MIPOL1: variants seen among roughly 807,000 people sequenced by gnomAD.
MIPOL1 encodes mirror-image polydactyly gene 1 protein.
MIPOL1 carries 57 observed loss-of-function variants against 60.9 expected under a neutral mutation model. The ratio of observed to expected loss-of-function variants is 0.94; its 90% confidence interval spans 0.76 to 1.17. The LOEUF is 1.17. MIPOL1 is among the 50% of genes most tolerant of loss of function. The pLI is 0.00. For synonymous variants in MIPOL1, 179 were observed against 168.8 expected, an observed-to-expected ratio of 1.06 and a Z score of -0.47; for missense variants, 551 against 511.6, an observed-to-expected ratio of 1.08 and a Z score of -0.74.
chr14:37,230,843 T>C (rs1385836569), intron 1 of MIPOL1, among the ~76,000 whole-genome samples: 1 of 152,180 alleles, frequency 6.6e-6, no homozygotes, highest in African/African-American at 2.4e-5. Context: ...ATGCAGCCGA[T>C]GAGATAATAA....
chr14:37,253,637 A>G (rs1412650471), intron 3 of MIPOL1, among the ~76,000 whole-genome samples: 1 of 151,796 alleles, frequency 6.6e-6, no homozygotes, highest in African/African-American at 2.4e-5. Context: ...CATTCTACTG[A>G]GTTTCAAAAG....
chr14:37,216,734 A>G (rs1967783407), intron 1 of MIPOL1, among the ~76,000 whole-genome samples: 1 of 152,194 alleles, frequency 6.6e-6, no homozygotes, highest in African/African-American at 2.4e-5. Flanking sequence ...TTCTTGAAAC[A>G]AATGATAATG....
At chr14:37,276,346 A>T (rs1012482693) in intron 6 of MIPOL1, 1 of 151,090 alleles carries the variant, frequency 6.6e-6, no homozygotes, top group East Asian at 1.9e-4. Flanking sequence ...GAGGAGTTTA[A>T]TTGTGATTGT....
At chr14:37,350,281 G>T (rs143420048) in intron 9 of MIPOL1, among the ~76,000 whole-genome samples, 3 of 152,160 alleles carry the variant, frequency 2.0e-5, no homozygotes, top group South Asian at 2.1e-4. Context: ...GTCTTGGAAG[G>T]TTCCCTGGTT....
intron 7 of MIPOL1, among the ~76,000 whole-genome samples, chr14:37,293,858 G>A (rs1195121129): frequency 6.6e-6 from 1 of 152,204 alleles, no homozygotes; most frequent in Non-Finnish European, 1.5e-5. Context: ...AGGCCTTCCT[G>A]CCTCTGTAGG....
Position 37,442,705 on chromosome 14 carries a change from TA to T in MIPOL1, c.1031+19764del, listed in dbSNP as rs199794290. ...TAAAAAATTGTTACTGAAGGTACCA[TA>T]AAAAAAAGAAGAAAATAACCTTTAC... On this transcript the variant is annotated intron_variant, in intron 11 of 12. Transcript: ENST00000684589. Among the ~76,000 whole-genome samples the T allele has an allele frequency of 4.7e-4, 71 of 151,116 alleles. 1 individual carries two copies. The East Asian group carries it at 7.2e-3, about 15-fold the overall frequency.
At chr14:37,519,587 C>G (rs2095397132) in intron 12 of MIPOL1, among the ~76,000 whole-genome samples, 1 of 151,736 alleles carries the variant, frequency 6.6e-6, no homozygotes, top group African/African-American at 2.4e-5. Flanking sequence ...TAAATTTTAA[C>G]CTGAGATGAG....
At chr14:37,239,891 G>A (rs1477092550) in intron 1 of MIPOL1, among the ~76,000 whole-genome samples, 2 of 152,088 alleles carry the variant, frequency 1.3e-5, no homozygotes, top group Non-Finnish European at 2.9e-5. Context: ...TCTAGTAATT[G>A]TATTCTATAA....
At chr14:37,252,499 T>C (rs1178258115) in intron 3 of MIPOL1, among the ~76,000 whole-genome samples, 1 of 151,934 alleles carries the variant, frequency 6.6e-6, no homozygotes, top group East Asian at 1.9e-4. Flanking sequence ...TTACGGTTTT[T>C]CTATAAAACA....
At chr14:37,477,959 AAAT>A (rs2094803212) in intron 11 of MIPOL1, among the ~76,000 whole-genome samples, 1 of 152,254 alleles carries the variant, frequency 6.6e-6, no homozygotes, top group Non-Finnish European at 1.5e-5. Flanking sequence ...GAAAATGTCT[AAAT>A]GGTCTGCAGA....
intron 3 of MIPOL1, among the ~76,000 whole-genome samples, chr14:37,265,014 A>G (rs2082773191): frequency 6.6e-6 from 1 of 152,102 alleles, no homozygotes; most frequent in Non-Finnish European, 1.5e-5. Context: ...CAGATGAGCC[A>G]TACCTTGGAC....
chr14:37,491,260 G>C (rs2095043663), intron 11 of MIPOL1, among the ~76,000 whole-genome samples: 1 of 152,176 alleles, frequency 6.6e-6, no homozygotes, highest in Admixed American at 6.5e-5. Flanking sequence ...CAGGCGCAAT[G>C]GCTCAGGCCT....
chr14:37,533,923 T>C, intron 12 of MIPOL1, among the ~76,000 whole-genome samples: 1 of 152,000 alleles, frequency 6.6e-6, no homozygotes, highest in East Asian at 1.9e-4. Context: ...ACTCCATCTC[T>C]ACTAAAGTAC....
chr14:37,387,752 T>C (rs1038012223), intron 10 of MIPOL1, among the ~76,000 whole-genome samples: 1 of 152,056 alleles, frequency 6.6e-6, no homozygotes, highest in African/African-American at 2.4e-5. Flanking sequence ...CTATGGCAGG[T>C]TTTTTAAATC....
At chr14:37,233,016 C>G (rs548891455) in intron 1 of MIPOL1, among the ~76,000 whole-genome samples, 1 of 152,194 alleles carries the variant, frequency 6.6e-6, no homozygotes. Flanking sequence ...GGCATCCACT[C>G]CATGCATGTA....
intron 6 of MIPOL1, among the ~76,000 whole-genome samples, chr14:37,274,107 G>A (rs2083474737): frequency 6.6e-6 from 1 of 151,406 alleles, no homozygotes; most frequent in Admixed American, 6.6e-5. Context: ...AATCACAGTT[G>A]AGATATAGAT....
chr14:37,268,805 A>T lies in MIPOL1; in HGVS notation c.387+12A>T, dbSNP rs764339031. 2.6e-6 allele frequency: 4 copies of T among 1,543,872 alleles called. No homozygotes were observed. The highest frequency in any genetic ancestry group is 3.5e-6 in the Non-Finnish European group (4 of 1,137,378). On this transcript the variant is annotated intron_variant, in intron 5 of 12. Coordinates refer to ENST00000684589, the MANE Select transcript of MIPOL1 (RefSeq NM_001388067.1). ...CAAGCAATAAAAAGGTATAATATGG[A>T]AAGTCTGATAATTGTATAGTATGGG...
intron 1 of MIPOL1, among the ~76,000 whole-genome samples, chr14:37,238,935 A>G (rs1003025932): frequency 1.3e-5 from 2 of 152,066 alleles, no homozygotes; most frequent in African/African-American, 2.4e-5. Context: ...CCTGGGCAAC[A>G]GAATGAGACC....
chr14:37,486,786 C>T (rs1009306238), intron 11 of MIPOL1, among the ~76,000 whole-genome samples: 4 of 152,160 alleles, frequency 2.6e-5, no homozygotes, highest in Non-Finnish European at 5.9e-5. Context: ...GACAATTTGA[C>T]TTCCTCTCTT....
Sources: allele counts gnomAD v4.1 joint callset (sites outside exome capture counted in the v4.1 genomes callset), GRCh38; gene constraint gnomAD v4.1.1; transcripts MANE v1.5; gene names NCBI Gene and HGNC (gene_info 2026-07-23, HGNC 2026-07-21).